Variants in SPEN observed in about 807,000 individuals in gnomAD.
SPEN encodes the protein msx2-interacting protein.
Under a neutral mutation model 269.9 loss-of-function variants are expected in SPEN, and 18 were observed. That is an observed-to-expected ratio of 0.07 (90% CI 0.05 to 0.10). The LOEUF is 0.10. SPEN is among the 10% of genes least tolerant of loss of function. SPEN has a pLI of 1.00. For synonymous variants in SPEN, 1,726 were observed against 1,765.7 expected, an observed-to-expected ratio of 0.98 and a Z score of 0.56; for missense variants, 3,822 against 4,631.2, an observed-to-expected ratio of 0.83 and a Z score of 5.07.
chr1:15,857,226 G>A (rs1245609588), intron 1 of SPEN, among the ~76,000 whole-genome samples: 3 of 151,950 alleles, frequency 2.0e-5, no homozygotes, highest in Non-Finnish European at 4.4e-5. Context: ...CACCATACTC[G>A]GCTAATTTTT....
intron 1 of SPEN, among the ~76,000 whole-genome samples, chr1:15,851,563 T>C (rs2070335250): frequency 6.6e-6 from 1 of 152,206 alleles, no homozygotes; most frequent in Non-Finnish European, 1.5e-5. Context: ...ACCCTTAAAA[T>C]ATTTAACATC....
chr1:15,856,318 A>G (rs4661344), intron 1 of SPEN, among the ~76,000 whole-genome samples: 135,774 of 151,868 alleles, frequency 0.89, 61,072 homozygotes, highest in African/African-American at 0.96. Context: ...TGAAGACCTC[A>G]TCGATCAGAA....
chr1:15,920,464 G>C (rs1001579319), intron 8 of SPEN, among the ~76,000 whole-genome samples: 8 of 152,186 alleles, frequency 5.3e-5, no homozygotes, highest in African/African-American at 1.9e-4. Flanking sequence ...GCTACTTGTA[G>C]CCAAAGTTCA....
At chr1:15,853,639 G>A (rs181721102) in intron 1 of SPEN, among the ~76,000 whole-genome samples, 11 of 150,338 alleles carry the variant, frequency 7.3e-5, no homozygotes, top group Admixed American at 2.0e-4. Context: ...GATTATAGGC[G>A]CACACCACCA....
chr1:15,895,325 C>T (rs1333863556), intron 3 of SPEN, among the ~76,000 whole-genome samples: 1 of 152,202 alleles, frequency 6.6e-6, no homozygotes, highest in African/African-American at 2.4e-5. Flanking sequence ...ACTCCCATTC[C>T]TCCCTCTCTT....
At chr1:15,859,705 G>A (rs1019276022) in intron 1 of SPEN, among the ~76,000 whole-genome samples, 1 of 151,918 alleles carries the variant, frequency 6.6e-6, no homozygotes, top group African/African-American at 2.4e-5. Flanking sequence ...GTGTCTCAAA[G>A]AGTTGTAGCA....
At chr1:15,938,612 G>A in intron 13 of SPEN, 106 bp from the exon 14 acceptor site, 1 of 395,468 alleles carries the variant, frequency 2.5e-6, no homozygotes, top group Non-Finnish European at 4.1e-6. Flanking sequence ...AGCCTTTAAA[G>A]TCATCTCAGA....
In SPEN at chr1:15,928,911, A is replaced by C; in HGVS notation, c.2671A>C (p.Ile891Leu). ...TRVKEKEGKV[I>L]DHTPVEKLKA... The stretch of plus-strand genomic sequence containing the variant: ...AGTGAAAGAGAAAGAGGGAAAGGTC[A>C]TTGACCACACTCCTGTGGAAAAGTT... The change falls in exon 11 of 15, where the codon ATT becomes CTT. Residue 891 changes from isoleucine to leucine, a missense_variant. This residue lies in a region of SPEN where 572 missense variants were observed against 582.6 expected (regional missense o/e 0.98). Transcript: ENST00000375759. This position sits in a 1 kb window ranked among gnomAD's most constrained non-coding sequence, Gnocchi z 5.7. 1 of 1,614,252 alleles carries C rather than the reference A, an allele frequency of 6.2e-7. No homozygotes were observed. The highest frequency in any genetic ancestry group is 1.1e-5 in the South Asian group (1 of 91,092).
rs554345930 is a variant in SPEN at position 15,859,159 on chromosome 1, T to G, written c.83+11009T>G. On this transcript the variant is annotated intron_variant, in intron 1 of 14. Transcript: ENST00000375759. ...TTTTTAGTTTTTTTTTTTTTTTTAA[T>G]TAAGAGATGGGGTCTGACTATGTTG... Among the ~76,000 whole-genome samples the G allele has an allele frequency of 6.0e-5, 7 of 116,832 alleles. No individual in the cohort carries two copies. In the South Asian group the frequency reaches 1.8e-3, roughly 29 times the overall value. 76.6% of individuals were successfully genotyped at this position (116,832 alleles called of 152,430 possible).
chr1:15,936,338 A>G, intron 11 of SPEN, 72 bp downstream of exon 11: 3 of 1,470,230 alleles, frequency 2.0e-6, no homozygotes, highest in Non-Finnish European at 2.7e-6. Flanking sequence ...TTTTAAGCCA[A>G]GATGTGTGAA....
intron 14 of SPEN, 109 bp downstream of exon 14, chr1:15,938,985 A>G: frequency 7.1e-7 from 1 of 1,406,558 alleles, no homozygotes; most frequent in Non-Finnish European, 9.6e-7. Context: ...AGAGGTGGGC[A>G]AAGGGGCATT....
chr1:15,856,057 A>G (rs1423873229), intron 1 of SPEN, among the ~76,000 whole-genome samples: 5 of 117,018 alleles, frequency 4.3e-5, no homozygotes, highest in Non-Finnish European at 5.0e-5. Flanking sequence ...CAGTGGTGTG[A>G]TCTCGGCTCA....
chr1:15,934,299 G>C lies in SPEN; in HGVS notation c.8059G>C (p.Ala2687Pro), dbSNP rs1186661088. ...ACTGAAAAGTTTGGTGAGCACCCCTGCTGGGCCCGTGAACGTCCTGAAAGG... is the reference window on the plus strand; with the variant it reads ...ACTGAAAAGTTTGGTGAGCACCCCTCCTGGGCCCGTGAACGTCCTGAAAGG... ...TTLKSLVSTP[A>P]GPVNVLKGPV... The change falls in exon 11 of 15, where the codon GCT becomes CCT. Residue 2687 changes from alanine to proline, a missense_variant. By Grantham distance (27) the Ala-to-Pro change is conservative. Transcript: ENST00000375759. This position sits in a 1 kb window ranked among gnomAD's most constrained non-coding sequence, Gnocchi z 9.2. 22 of 1,614,010 alleles carry C rather than the reference G, an allele frequency of 1.4e-5. No homozygotes were observed. The highest frequency in any genetic ancestry group is 1.8e-5 in the Non-Finnish European group (21 of 1,180,050).
Position 15,929,471 on chromosome 1 carries a change from C to T in SPEN, c.3231C>T (p.Gly1077=). 1 of 1,613,458 alleles carries T rather than the reference C, an allele frequency of 6.2e-7. No individual in the cohort carries two copies. Among genetic ancestry groups the T allele is most frequent in the Non-Finnish European group, 8.5e-7 (1 of 1,179,736 alleles). ...QELASISVGS[G]SRPSSDLQAR... ...TTGCCAGTATTTCTGTTGGGTCTGG[C>T]TCAAGGCCCAGCTCAGACCTACAAG... Residue 1077 remains glycine, a synonymous_variant, in exon 11 of 15, where the codon GGC becomes GGT. Coordinates refer to ENST00000375759, the MANE Select transcript of SPEN (RefSeq NM_015001.3). This position sits in a 1 kb window ranked among gnomAD's most constrained non-coding sequence, Gnocchi z 5.8.
intron 1 of SPEN, among the ~76,000 whole-genome samples, chr1:15,851,705 C>G (rs1469872232): frequency 6.6e-6 from 1 of 152,114 alleles, no homozygotes. Flanking sequence ...GTTAAAGAGG[C>G]TGGGTGCGGT....
intron 1 of SPEN, among the ~76,000 whole-genome samples, chr1:15,865,427 T>G (rs1034431687): frequency 2.7e-5 from 4 of 150,164 alleles, no homozygotes; most frequent in Admixed American, 1.3e-4. Context: ...CCTGTTTTTT[T>G]TTTTTTTTTT....
Position 15,848,252 on chromosome 1 carries a change from C to T in SPEN, c.83+102C>T, listed in dbSNP as rs552704761. The T allele has an allele frequency of 3.8e-6, 3 of 783,128 alleles. No individual in the cohort carries two copies. Among genetic ancestry groups the T allele is most frequent in the Middle Eastern group, 2.7e-4 (1 of 3,648 alleles). 48.5% of individuals were successfully genotyped at this position (783,128 alleles called of 1,614,324 possible). A position where few individuals can be genotyped will look rare whatever the true frequency, so the allele number is the denominator to read the frequency against. ...CGGAGCGCGGAGCTGGTGAGGAGGA[C>T]TCCGGCCCGGACCCACGGGCGCTGT... On this transcript the variant is annotated intron_variant, in intron 1 of 14. Transcript: ENST00000375759. This position sits in a 1 kb window ranked among gnomAD's most constrained non-coding sequence, Gnocchi z 5.1.
At chr1:15,884,212 CATG>C (rs1215518339) in intron 3 of SPEN, among the ~76,000 whole-genome samples, 1 of 152,086 alleles carries the variant, frequency 6.6e-6, no homozygotes, top group Non-Finnish European at 1.5e-5. Flanking sequence ...CTTAAAAAAG[CATG>C]AAAGTCTGCA....
At chr1:15,869,764 G>A (rs2070554706) in intron 1 of SPEN, among the ~76,000 whole-genome samples, 1 of 151,972 alleles carries the variant, frequency 6.6e-6, no homozygotes, top group Admixed American at 6.6e-5. Context: ...TGTCTCTACT[G>A]TTACAGGTAG....
Sources: allele counts gnomAD v4.1 joint callset (sites outside exome capture counted in the v4.1 genomes callset), GRCh38; gene constraint gnomAD v4.1.1; regional missense constraint gnomAD v4.1.1; non-coding constraint Gnocchi (gnomAD v3.1); transcripts MANE v1.5; gene names NCBI Gene and HGNC (gene_info 2026-07-23, HGNC 2026-07-21).